Variants in ALDH6A1 observed in about 807,000 individuals in gnomAD.
ALDH6A1 encodes the protein aldehyde dehydrogenase 6 family member A1, also known as methylmalonate-semialdehyde/malonate-semialdehyde dehydrogenase [acylating], mitochondrial.
A neutral mutation model predicts 62.6 loss-of-function variants in ALDH6A1; 43 were observed. The ratio of observed to expected loss-of-function variants is 0.69; its 90% confidence interval spans 0.54 to 0.89. The LOEUF is 0.89. Ranked by LOEUF, ALDH6A1 falls within the 40% of genes least tolerant of loss-of-function variation. The pLI, the probability that ALDH6A1 is intolerant of heterozygous loss-of-function variation, is 0.00. For missense variants in ALDH6A1, 551 were observed against 661.3 expected, an observed-to-expected ratio of 0.83 and a Z score of 1.83; for synonymous variants, 194 against 234.2, an observed-to-expected ratio of 0.83 and a Z score of 1.57.
At chr14:74,069,132 T>C in intron 6 of ALDH6A1, 151 bp from the exon 7 acceptor site, 4 of 787,844 alleles carry the variant, frequency 5.1e-6, no homozygotes, top group Non-Finnish European at 7.3e-6. Flanking sequence ...TGAGACGGAG[T>C]CTCGCTCTGT....
rs1479170951 is a variant in ALDH6A1, at chr14:74,058,696, G to T, written c.*1946C>A. 6.6e-6 allele frequency: 1 copy of T among 151,910 alleles called. No homozygotes were observed. 9.4% of individuals were successfully genotyped at this position (151,910 alleles called of 1,614,324 possible). ...GTAAGGACGCAGGAAAATAAAAAGAGGATTCAATTGGATTGGTACTGCAAA... is the reference window on the plus strand; with the variant it reads ...GTAAGGACGCAGGAAAATAAAAAGATGATTCAATTGGATTGGTACTGCAAA... On this transcript the variant is annotated 3_prime_UTR_variant, in exon 12 of 12. Coordinates refer to ENST00000553458, the MANE Select transcript of ALDH6A1 (RefSeq NM_005589.4).
rs199875058 is a variant in ALDH6A1, at chr14:74,068,901, C to G, written c.811G>C (p.Glu271Gln). 3 of 1,613,996 alleles carry G rather than the reference C, an allele frequency of 1.9e-6. No individual in the cohort carries two copies. Among genetic ancestry groups the G allele is most frequent in the Non-Finnish European group, 2.5e-6 (3 of 1,179,978 alleles). Reference sequence around the variant, plus strand: ...CTCTTGCCATGTCTTGATCCTCTCTCGAAGATATACTCTCCTGCCTTGTTG... The same window carrying G: ...CTCTTGCCATGTCTTGATCCTCTCTGGAAGATATACTCTCCTGCCTTGTTG... Reference protein sequence around the residue: ...GSNKAGEYIFERGSRHGKRVQ... With the variant: ...GSNKAGEYIFQRGSRHGKRVQ... The change falls in exon 7 of 12, where the codon GAG becomes CAG. Residue 271 changes from glutamate (E) to glutamine (Q), a missense_variant. Coordinates refer to ENST00000553458, the MANE Select transcript of ALDH6A1 (RefSeq NM_005589.4).
intron 2 of ALDH6A1, among the ~76,000 whole-genome samples, chr14:74,073,557 T>G (rs2060577438): frequency 6.6e-6 from 1 of 152,162 alleles, no homozygotes; most frequent in Non-Finnish European, 1.5e-5. Flanking sequence ...TTAATAAAGA[T>G]TAGCTATTAT....
At chr14:74,076,453 C>T (rs1423009269) in intron 1 of ALDH6A1, among the ~76,000 whole-genome samples, 2 of 152,124 alleles carry the variant, frequency 1.3e-5, no homozygotes, top group African/African-American at 4.8e-5. Flanking sequence ...CCTCTGCCTC[C>T]CGTGTTCAAG....
intron 9 of ALDH6A1, among the ~76,000 whole-genome samples, chr14:74,066,422 C>T (rs1255015348): frequency 1.3e-5 from 2 of 152,252 alleles, no homozygotes; most frequent in Non-Finnish European, 2.9e-5. Flanking sequence ...GCTGATCTCA[C>T]ACTACAATGT....
At position 74,071,308 on chromosome 14, in the gene ALDH6A1, A is replaced by C; in HGVS notation, c.617T>G (p.Phe206Cys). 1 of 1,614,186 alleles carries C rather than the reference A, an allele frequency of 6.2e-7. No homozygotes were observed. The highest frequency in any genetic ancestry group is 8.5e-7 in the Non-Finnish European group (1 of 1,180,032). ...FPMAMVCGNT[F>C]LMKPSERVPG... ...GACTCGCTCAGATGGTTTCATTAGGAAGGTATTTCCACACACCATGGCCAT... is the reference window on the plus strand; with the variant it reads ...GACTCGCTCAGATGGTTTCATTAGGCAGGTATTTCCACACACCATGGCCAT... Residue 206 changes from phenylalanine to cysteine, a missense_variant, in exon 6 of 12, where the codon TTC (phenylalanine) becomes TGC (cysteine). Transcript: ENST00000553458.
At chr14:74,070,952 G>A in intron 6 of ALDH6A1, 1 of 538,306 alleles carries the variant, frequency 1.9e-6, no homozygotes, top group Non-Finnish European at 3.3e-6. Context: ...TCTTATCTGT[G>A]TCTAGCCCTA....
chr14:74,069,730 G>T (rs1024041613), intron 6 of ALDH6A1, among the ~76,000 whole-genome samples: 2 of 151,778 alleles, frequency 1.3e-5, no homozygotes, highest in Non-Finnish European at 2.9e-5. Flanking sequence ...CTCAGCCTGG[G>T]CAACAAGAGC....
chr14:74,072,827 C>T (rs2060569141), intron 2 of ALDH6A1, among the ~76,000 whole-genome samples: 1 of 151,838 alleles, frequency 6.6e-6, no homozygotes, highest in Non-Finnish European at 1.5e-5. Context: ...GACAGAGTTT[C>T]GCTCTTGTCC....
At chr14:74,075,048 A>G (rs1595130140) in intron 1 of ALDH6A1, 31 bp from the exon 2 acceptor site, 1 of 1,605,196 alleles carries the variant, frequency 6.2e-7, no homozygotes, top group Admixed American at 1.7e-5. Flanking sequence ...TATTTTGATA[A>G]ATGAGAGCAG....
intron 2 of ALDH6A1, among the ~76,000 whole-genome samples, chr14:74,074,214 C>T (rs921540202): frequency 9.2e-5 from 14 of 151,790 alleles, no homozygotes; most frequent in African/African-American, 3.4e-4. Context: ...TGAACTCTGA[C>T]AATCCACCTG....
At chr14:74,077,863 G>C (rs548639844) in intron 1 of ALDH6A1, among the ~76,000 whole-genome samples, 8 of 152,304 alleles carry the variant, frequency 5.3e-5, no homozygotes, top group East Asian at 1.9e-4. Context: ...ACCTACTTCA[G>C]AGTTAAAGAT....
Position 74,068,847 on chromosome 14 carries a change from A to T in ALDH6A1, c.852+13T>A. 6.2e-7 allele frequency: 1 copy of T among 1,613,826 alleles called. No homozygotes were observed. Among genetic ancestry groups the T allele is most frequent in the Non-Finnish European group, 8.5e-7 (1 of 1,179,806 alleles). On this transcript the variant is annotated intron_variant, in intron 7 of 11. Coordinates refer to ENST00000553458, the MANE Select transcript of ALDH6A1 (RefSeq NM_005589.4). ...TAGAACAAAGATTGGAGAAAAAAGG[A>T]ATAAGAAGTCACCATATTGGCTTGA...
intron 1 of ALDH6A1, among the ~76,000 whole-genome samples, chr14:74,080,875 C>A (rs1029492700): frequency 6.6e-6 from 1 of 152,206 alleles, no homozygotes; most frequent in Non-Finnish European, 1.5e-5. Context: ...AAAGACTAAT[C>A]CCCTTGATGT....
chr14:74,072,655 C>T (rs778032889), intron 2 of ALDH6A1, 44 bp from the exon 3 acceptor site: 1 of 1,599,772 alleles, frequency 6.3e-7, no homozygotes, highest in Non-Finnish European at 8.5e-7. Flanking sequence ...AAACATGAAA[C>T]TTTGTATTAG....
chr14:74,078,256 G>A, intron 1 of ALDH6A1: 1 of 455,926 alleles, frequency 2.2e-6, no homozygotes, highest in South Asian at 1.5e-5. Context: ...CTACAAAACT[G>A]AACTCAACCT....
Position 74,056,916 on chromosome 14 carries a change from CAG to C in ALDH6A1, c.*3724_*3725del. The C allele has an allele frequency of 5.6e-6, 9 of 1,612,850 alleles. No individual in the cohort carries two copies. Among genetic ancestry groups the C allele is most frequent in the Non-Finnish European group, 7.6e-6 (9 of 1,179,020 alleles). ...TTTTACCCACTACAGGAAATACAAC[CAG>C]AGTTCTAGGCCTCCAGTTCCAGACT... is the stretch of plus-strand genomic sequence containing the variant. On this transcript the variant is annotated 3_prime_UTR_variant, in exon 12 of 12. Transcript: ENST00000553458.
intron 6 of ALDH6A1, 78 bp downstream of exon 6, chr14:74,071,117 C>T: frequency 7.3e-7 from 1 of 1,375,660 alleles, no homozygotes; most frequent in Middle Eastern, 1.8e-4. Flanking sequence ...GTTCCTTATC[C>T]TAAAACATCC....
intron 1 of ALDH6A1, 69 bp downstream of exon 1, chr14:74,084,278 T>C: frequency 2.5e-6 from 4 of 1,609,014 alleles, no homozygotes; most frequent in South Asian, 2.2e-5. Flanking sequence ...CGCCCGAGGA[T>C]GGCTCAGGGA....
Sources: gnomAD v4.1 joint callset for allele counts (sites outside exome capture counted in the v4.1 genomes callset) on GRCh38, gnomAD v4.1.1 for gene constraint, MANE v1.5 for transcripts, NCBI Gene and HGNC (gene_info 2026-07-23, HGNC 2026-07-21) for gene names.